SAFB: variants seen among roughly 807,000 people sequenced by gnomAD.
SAFB encodes the protein scaffold attachment factor B1.
A neutral mutation model predicts 101.6 loss-of-function variants in SAFB; 15 were observed. The ratio of observed to expected loss-of-function variants is 0.15; its 90% CI spans 0.10 to 0.23. The LOEUF is 0.23. Ranked by LOEUF, SAFB falls within the 10% of genes least tolerant of loss-of-function variation. The pLI is 1.00. For missense variants in SAFB, 930 were observed against 1,104.1 expected (o/e 0.84, Z 2.23); for synonymous variants, 449 against 407.5 (o/e 1.10, Z -1.23).
intron 14 of SAFB, among the ~76,000 whole-genome samples, chr19:5,658,913 G>A (rs137923715): frequency 0.036 from 5,465 of 152,026 alleles, 357 homozygotes; most frequent in African/African-American, 0.13. Flanking sequence ...TTGGGAGGCC[G>A]AGGTGGGCGG....
chr19:5,624,275 T>C (rs1204836323), intron 1 of SAFB, among the ~76,000 whole-genome samples: 1 of 151,666 alleles, frequency 6.6e-6, no homozygotes, highest in Non-Finnish European at 1.5e-5. Flanking sequence ...GGACTTTGAT[T>C]TGGGGATTAA....
chr19:5,639,521 C>T (rs1335967371), intron 2 of SAFB, among the ~76,000 whole-genome samples: 2 of 151,710 alleles, frequency 1.3e-5, no homozygotes, highest in African/African-American at 2.4e-5. Context: ...GGTGAAACCC[C>T]ATCTCTACTA....
intron 2 of SAFB, among the ~76,000 whole-genome samples, chr19:5,640,963 C>G (rs2145427537): frequency 7.2e-6 from 1 of 138,158 alleles, no homozygotes; most frequent in East Asian, 2.2e-4. Context: ...GAGTTTCGCT[C>G]TTGTTGCCCA....
At chr19:5,657,769 C>G (rs1469455226) in intron 14 of SAFB, among the ~76,000 whole-genome samples, 1 of 152,040 alleles carries the variant, frequency 6.6e-6, no homozygotes, top group Non-Finnish European at 1.5e-5. Flanking sequence ...AGGTGATCCA[C>G]CTGCCTTGGC....
chr19:5,661,716 C>T lies in SAFB; in HGVS notation c.2061C>T (p.Ile687=), dbSNP rs886738340. 34 of 1,599,286 alleles carry T rather than the reference C, an allele frequency of 2.1e-5. No homozygotes were observed. The East Asian group carries it at 7.2e-4, about 34-fold the overall frequency. The change falls in exon 15 of 21, where the codon ATC becomes ATT. Residue 687 remains isoleucine, a synonymous_variant. Coordinates refer to ENST00000588852, the MANE Select transcript of SAFB (RefSeq NM_001201338.2). ...AGCGCAGGCGCGAGCAGGAGCGCAT[C>T]CACCGTGAGCGCGAGGAGCTGAGGC... The part of the protein sequence containing the change: ...EHERRREQER[I]HREREELRRQ...
intron 5 of SAFB, 150 bp from the exon 6 acceptor site, chr19:5,647,866 C>T (rs1264990817): frequency 1.4e-6 from 1 of 727,680 alleles, no homozygotes; most frequent in African/African-American, 1.8e-5. Flanking sequence ...TGGAGCCATT[C>T]CTAGAACAAG....
At chr19:5,636,821 G>A (rs1456976825) in intron 2 of SAFB, among the ~76,000 whole-genome samples, 2 of 151,806 alleles carry the variant, frequency 1.3e-5, no homozygotes, top group African/African-American at 2.4e-5. Context: ...TGATTTTCCT[G>A]TCTCAGCCTC....
At chr19:5,636,009 AG>A (rs2053587414) in intron 2 of SAFB, among the ~76,000 whole-genome samples, 2 of 152,176 alleles carry the variant, frequency 1.3e-5, no homozygotes, top group East Asian at 1.9e-4. Flanking sequence ...CATTCCAGTC[AG>A]GGATGTGCTT....
chr19:5,664,489 T>G, intron 17 of SAFB, 50 bp downstream of exon 17: 2 of 1,424,920 alleles, frequency 1.4e-6, no homozygotes, highest in Non-Finnish European at 2.0e-6. Flanking sequence ...TAGAATGGGT[T>G]CTTTTCCCTT....
intron 13 of SAFB, among the ~76,000 whole-genome samples, chr19:5,655,036 G>T (rs1018312508): frequency 4.6e-5 from 7 of 152,184 alleles, no homozygotes; most frequent in Non-Finnish European, 7.3e-5. Context: ...GAAAGTGTCA[G>T]CACCTCCCCG....
intron 2 of SAFB, among the ~76,000 whole-genome samples, chr19:5,637,745 G>A (rs764175376): frequency 6.6e-6 from 1 of 152,166 alleles, no homozygotes; most frequent in African/African-American, 2.4e-5. Context: ...TGTTTGATCA[G>A]CTTTTCTCCC....
At chr19:5,627,704 C>T (rs987132050) in intron 2 of SAFB, among the ~76,000 whole-genome samples, 53 of 152,236 alleles carry the variant, frequency 3.5e-4, no homozygotes, top group South Asian at 4.1e-4. Flanking sequence ...GACTTCGCTC[C>T]GCCCACCCTT....
intron 6 of SAFB, 120 bp downstream of exon 6, chr19:5,648,163 G>T: frequency 1.2e-6 from 1 of 857,010 alleles, no homozygotes; most frequent in Non-Finnish European, 1.8e-6. Flanking sequence ...TTGTTCTAAA[G>T]GTTTACAATC....
At chr19:5,658,882 C>T (rs1284973189) in intron 14 of SAFB, among the ~76,000 whole-genome samples, 1 of 150,420 alleles carries the variant, frequency 6.6e-6, no homozygotes, top group African/African-American at 2.4e-5. Flanking sequence ...CGCGGTGGCT[C>T]ACGCCTGTAA....
chr19:5,634,551 T>TG (rs2053556736), intron 2 of SAFB, among the ~76,000 whole-genome samples: 1 of 152,064 alleles, frequency 6.6e-6, no homozygotes, highest in Non-Finnish European at 1.5e-5. Context: ...AAGAGAAATT[T>TG]GGCTACATAA....
chr19:5,626,516 C>A (rs368697139), intron 2 of SAFB, 27 bp downstream of exon 2: 1 of 1,316,546 alleles, frequency 7.6e-7, no homozygotes, highest in South Asian at 1.2e-5. Flanking sequence ...AAGCAAGTTT[C>A]ATGTTAAGTG....
At position 5,641,840 on chromosome 19, in the gene SAFB, G is replaced by A; in HGVS notation, c.440G>A (p.Cys147Tyr). The stretch of plus-strand genomic sequence containing the variant: ...ATTGATAATGGAAGCGTTGCAGATT[G>A]TGTCGAAGACGATGATGCTGATAAC... ...AEIDNGSVAD[C>Y]VEDDDADNLQ... The change falls in exon 4 of 21, where the codon TGT (cysteine) becomes TAT (tyrosine). Residue 147 changes from cysteine (C) to tyrosine (Y), a missense_variant. Cys to Tyr is a radical substitution (Grantham distance 194). Coordinates refer to ENST00000588852, the MANE Select transcript of SAFB (RefSeq NM_001201338.2). 1 of 1,614,140 alleles carries A rather than the reference G, an allele frequency of 6.2e-7. No individual in the cohort carries two copies. Among genetic ancestry groups the A allele is most frequent in the Non-Finnish European group, 8.5e-7 (1 of 1,179,992 alleles).
chr19:5,655,554 T>A (rs192976565), intron 13 of SAFB, among the ~76,000 whole-genome samples: 33 of 151,508 alleles, frequency 2.2e-4, no homozygotes, highest in Non-Finnish European at 3.4e-4. Context: ...GGGGACACTC[T>A]GAGAGCCAAC....
At chr19:5,663,474 G>T (rs982280067) in intron 15 of SAFB, among the ~76,000 whole-genome samples, 9 of 152,168 alleles carry the variant, frequency 5.9e-5, no homozygotes, top group African/African-American at 2.2e-4. Context: ...CTATTGCATG[G>T]GTTGAAGAGG....
Sources: allele counts gnomAD v4.1 joint callset (sites outside exome capture counted in the v4.1 genomes callset), GRCh38; gene constraint gnomAD v4.1.1; transcripts MANE v1.5; gene names NCBI Gene and HGNC (gene_info 2026-07-23, HGNC 2026-07-21).